The following CSMD2 variants were observed in gnomAD, a reference collection of about 807,000 sequenced individuals.
CSMD2 encodes CUB and sushi domain-containing protein 2.
A neutral mutation model predicts 398.5 loss-of-function variants in CSMD2; 130 were observed. The ratio of observed to expected loss-of-function variants is 0.33; its 90% CI spans 0.28 to 0.38. The LOEUF (loss-of-function observed/expected upper bound fraction) is 0.38, where lower values mean the gene tolerates loss of function less well. Ranked by LOEUF, CSMD2 falls within the 10% of genes least tolerant of loss-of-function variation. The pLI is 1.00. For missense variants in CSMD2, 3,829 were observed against 4,764.9 expected (o/e 0.80, Z 5.78); for synonymous variants, 1,828 against 1,908.5 (o/e 0.96, Z 1.10).
intron 10 of CSMD2, 147 bp downstream of exon 10, chr1:33,810,596 C>T: frequency 2.8e-5 from 19 of 685,474 alleles, no homozygotes; most frequent in South Asian, 6.7e-5. Context: ...GCTTTTTATC[C>T]ACTCGATATT....
chr1:33,773,638 T>C (rs777894449), intron 12 of CSMD2, among the ~76,000 whole-genome samples: 4 of 151,726 alleles, frequency 2.6e-5, no homozygotes, highest in African/African-American at 7.3e-5. Flanking sequence ...CTGTGAGAGA[T>C]GGACGAGGAG....
At chr1:33,595,627 G>T (rs1639787896) in intron 44 of CSMD2, among the ~76,000 whole-genome samples, 1 of 152,128 alleles carries the variant, frequency 6.6e-6, no homozygotes, top group South Asian at 2.1e-4. Flanking sequence ...AAACAACTTT[G>T]ATTCTCAAAT....
chr1:34,071,720 T>C (rs983521489), intron 2 of CSMD2, among the ~76,000 whole-genome samples: 1 of 152,210 alleles, frequency 6.6e-6, no homozygotes, highest in Non-Finnish European at 1.5e-5. Context: ...GCAAGATTGA[T>C]GGTGGGCAAT....
At chr1:33,663,338 CTTA>C (rs1644202623) in intron 25 of CSMD2, among the ~76,000 whole-genome samples, 1 of 152,108 alleles carries the variant, frequency 6.6e-6, no homozygotes, top group Non-Finnish European at 1.5e-5. Flanking sequence ...GCATCCTTTT[CTTA>C]TTATGAGCTC....
chr1:33,821,554 C>T (rs568326985), intron 7 of CSMD2, among the ~76,000 whole-genome samples: 144 of 152,282 alleles, frequency 9.5e-4, no homozygotes, highest in Non-Finnish European at 1.5e-3. Context: ...TCCAACTTTG[C>T]GCATGTCCCT....
chr1:33,783,515 T>C (rs1248975770), intron 12 of CSMD2, among the ~76,000 whole-genome samples: 1 of 149,652 alleles, frequency 6.7e-6, no homozygotes, highest in Non-Finnish European at 1.5e-5. Flanking sequence ...TGCAAGGCCA[T>C]GGTGAGAAGG....
At chr1:33,598,189 A>G (rs918750844) in intron 44 of CSMD2, among the ~76,000 whole-genome samples, 3 of 152,238 alleles carry the variant, frequency 2.0e-5, no homozygotes, top group Non-Finnish European at 1.5e-5. Context: ...CTTAGGCTCA[A>G]TGATGGTGTT....
At chr1:33,522,145 G>A (rs892159502) in intron 67 of CSMD2, among the ~76,000 whole-genome samples, 15 of 152,170 alleles carry the variant, frequency 9.9e-5, no homozygotes, top group African/African-American at 2.7e-4. Context: ...GTCTGGGGCC[G>A]CAGCGGCTGA....
intron 2 of CSMD2, among the ~76,000 whole-genome samples, chr1:34,064,041 C>G (rs1485289436): frequency 1.3e-5 from 2 of 152,190 alleles, no homozygotes; most frequent in Non-Finnish European, 2.9e-5. Flanking sequence ...CACAGGGCAC[C>G]AAGTCCCTAG....
rs374623426 is a variant in CSMD2 at position 33,602,428 on chromosome 1, G to A, written c.6651C>T (p.Gly2217=). 1.2e-6 allele frequency: 2 copies of A among 1,613,994 alleles called. No individual in the cohort carries two copies. The highest frequency in any genetic ancestry group is 2.2e-5 in the South Asian group (2 of 91,060). The change falls in exon 43 of 71, where the codon GGC becomes GGT. Residue 2217 remains glycine, a synonymous_variant. Transcript: ENST00000373381. ...GCAGCAGGCTGAGGTTGAGGCGGACGCCATGGCCAATGGGCACGGTGATCA... is the reference window on the plus strand; with the variant it reads ...GCAGCAGGCTGAGGTTGAGGCGGACACCATGGCCAATGGGCACGGTGATCA... ...VWLITVPIGH[G]VRLNLSLLQT...
At chr1:34,055,359 T>C (rs1297862251) in intron 2 of CSMD2, among the ~76,000 whole-genome samples, 2 of 152,172 alleles carry the variant, frequency 1.3e-5, no homozygotes, top group African/African-American at 4.8e-5. Context: ...GCAATTCAAC[T>C]CTGATTATCT....
At position 33,537,095 on chromosome 1, in the gene CSMD2, T is replaced by A; in HGVS notation, c.9806A>T (p.Asp3269Val). The A allele has an allele frequency of 6.2e-7, 1 of 1,614,114 alleles. No individual in the cohort carries two copies. The highest frequency in any genetic ancestry group is 1.1e-5 in the South Asian group (1 of 91,080). Reference protein sequence around the residue: ...TWSGTQPSCIDPTLTTCADPG... With the variant: ...TWSGTQPSCIVPTLTTCADPG... The stretch of plus-strand genomic sequence containing the variant: ...GTCCGCACACGTGGTCAGGGTCGGA[T>A]CTGGATGGCCAAAACAAAGACACAG... Residue 3269 changes from aspartate (D) to valine (V), a missense_variant and splice_region_variant, in exon 62 of 71, where the codon GAT becomes GTT. Asp to Val is a radical substitution (Grantham distance 152, BLOSUM62 -3). This residue lies in a region of CSMD2 where 917 missense variants were observed against 1,199.5 expected (regional missense o/e 0.76). Transcript: ENST00000373381. This position sits in a 1 kb window ranked among gnomAD's most constrained non-coding sequence, Gnocchi z 4.6.
At chr1:33,949,251 A>G (rs991552631) in intron 3 of CSMD2, among the ~76,000 whole-genome samples, 4 of 152,210 alleles carry the variant, frequency 2.6e-5, no homozygotes, top group Admixed American at 1.3e-4. Context: ...GGATGTGATT[A>G]CATATAAGCC....
At position 33,586,519 on chromosome 1, in the gene CSMD2, G is replaced by T; in HGVS notation, c.7036C>A (p.Pro2346Thr). 2 of 1,612,038 alleles carry T rather than the reference G, an allele frequency of 1.2e-6. No homozygotes were observed. The highest frequency in any genetic ancestry group is 8.5e-7 in the Non-Finnish European group (1 of 1,178,220). The change falls in exon 46 of 71, where the codon CCC becomes ACC. Residue 2346 changes from proline to threonine, a missense_variant. Pro to Thr is a conservative substitution (Grantham distance 38, BLOSUM62 -1). Transcript: ENST00000373381. ...ATGCAATTACCTTCACATATCGGGG[G>T]TGGTCCTTCAAACTGCAGGTAGGTT... ...LGTYLQFEGP[P>T]PICEVHCPTN...
Position 33,515,538 on chromosome 1 carries a change from G to A in CSMD2, c.*1086C>T, listed in dbSNP as rs1455419574. On this transcript the variant is annotated 3_prime_UTR_variant, in exon 71 of 71. Transcript: ENST00000373381. ...TTCTGACTCCACACTTCCTAACTCT[G>A]TCTTTACCTTTGCAGGCTTCTGTTT... The A allele has an allele frequency of 6.6e-6, 1 of 152,232 alleles. No homozygotes were observed. Among genetic ancestry groups the A allele is most frequent in the Admixed American group, 6.5e-5 (1 of 15,290 alleles). The allele number at this position is 152,232 out of a possible 1,614,324, so 9.4% of individuals were successfully genotyped here.
intron 10 of CSMD2, among the ~76,000 whole-genome samples, chr1:33,802,057 G>A (rs1238739783): frequency 2.0e-5 from 3 of 152,200 alleles, no homozygotes; most frequent in Non-Finnish European, 4.4e-5. Flanking sequence ...GTTTTAAAGT[G>A]TCTCCAAGGC....
intron 14 of CSMD2, among the ~76,000 whole-genome samples, chr1:33,740,826 C>CGCGCGCGCGTGCATGCGCACACACACAA: frequency 6.6e-6 from 1 of 152,280 alleles, no homozygotes; most frequent in South Asian, 2.1e-4. Context: ...CACACATACA[C>CGCGCGCGCGTGCATGCGCACACACACAA]GCGCGCGCGT....
intron 5 of CSMD2, among the ~76,000 whole-genome samples, chr1:33,908,397 G>A (rs1230354011): frequency 1.3e-5 from 2 of 152,232 alleles, no homozygotes; most frequent in Admixed American, 6.5e-5. Flanking sequence ...CTGTCTTAGC[G>A]GCACCATCAG....
intron 21 of CSMD2, among the ~76,000 whole-genome samples, chr1:33,710,486 C>A (rs1417782488): frequency 6.6e-6 from 1 of 152,170 alleles, no homozygotes; most frequent in African/African-American, 2.4e-5. Flanking sequence ...TAATTAGGTT[C>A]CGGAAGGATG....
Sources: allele counts gnomAD v4.1 joint callset (sites outside exome capture counted in the v4.1 genomes callset), GRCh38; gene constraint gnomAD v4.1.1; regional missense constraint gnomAD v4.1.1; non-coding constraint Gnocchi (gnomAD v3.1); transcripts MANE v1.5; gene names NCBI Gene and HGNC (gene_info 2026-07-23, HGNC 2026-07-21).